PAM: variants seen among roughly 807,000 people sequenced by gnomAD.
PAM encodes the protein peptidyl-glycine alpha-amidating monooxygenase.
PAM carries 72 observed loss-of-function variants against 122.1 expected under a neutral mutation model. The ratio of observed to expected loss-of-function variants is 0.59; its 90% confidence interval spans 0.49 to 0.72. The LOEUF is 0.72. Among genes scored for constraint, PAM ranks in the 30% least tolerant of loss-of-function variants. The pLI is 0.00. For synonymous variants in PAM, 389 were observed against 404.4 expected (o/e 0.96, Z 0.46); for missense variants, 1,106 against 1,183.7 (o/e 0.93, Z 0.96).
chr5:102,789,004 T>C (rs921866488), intron 1 of PAM, among the ~76,000 whole-genome samples: 1 of 152,134 alleles, frequency 6.6e-6, no homozygotes, highest in Non-Finnish European at 1.5e-5. Context: ...AGAGTATTTA[T>C]GGATGACATT....
intron 7 of PAM, among the ~76,000 whole-genome samples, chr5:102,932,043 A>C (rs2151807351): frequency 6.6e-6 from 1 of 152,246 alleles, no homozygotes; most frequent in African/African-American, 2.4e-5. Flanking sequence ...TCATCTCCAA[A>C]CTTTGGGGAT....
intron 15 of PAM, among the ~76,000 whole-genome samples, chr5:102,983,823 C>T (rs944276774): frequency 2.0e-5 from 3 of 152,176 alleles, no homozygotes; most frequent in Non-Finnish European, 4.4e-5. Context: ...AAACCCCCTT[C>T]GGACTAACAG....
chr5:103,005,935 C>CTGT (rs113364724), intron 18 of PAM, among the ~76,000 whole-genome samples: 1 of 118,382 alleles, frequency 8.4e-6, no homozygotes, highest in South Asian at 2.4e-4. Context: ...GTTGTTGTTG[C>CTGT]TGTTGTTGTT....
At chr5:102,765,543 A>G (rs1043725297) in intron 1 of PAM, among the ~76,000 whole-genome samples, 1 of 152,204 alleles carries the variant, frequency 6.6e-6, no homozygotes, top group Non-Finnish European at 1.5e-5. Context: ...CAGCCACACC[A>G]TGCAAGCTTG....
At chr5:103,010,572 G>C (rs376115636) in intron 21 of PAM, among the ~76,000 whole-genome samples, 1 of 152,184 alleles carries the variant, frequency 6.6e-6, no homozygotes, top group African/African-American at 2.4e-5. Context: ...AGAAAATTCA[G>C]CCTGCTAAAA....
intron 1 of PAM, among the ~76,000 whole-genome samples, chr5:102,808,413 T>G (rs545569570): frequency 2.0e-5 from 3 of 152,220 alleles, no homozygotes; most frequent in Non-Finnish European, 2.9e-5. Context: ...CATAGGTGTG[T>G]GTGGGCAGGC....
chr5:102,869,844 G>T (rs1483406971), intron 3 of PAM, among the ~76,000 whole-genome samples: 1 of 151,738 alleles, frequency 6.6e-6, no homozygotes, highest in Non-Finnish European at 1.5e-5. Flanking sequence ...AAGAGGAAAG[G>T]AGGTGAAAAA....
intron 8 of PAM, 35 bp downstream of exon 8, chr5:102,946,920 C>T (rs1032131456): frequency 1.0e-4 from 141 of 1,385,876 alleles, no homozygotes; most frequent in Non-Finnish European, 1.4e-4. Context: ...GGAGCAGCAA[C>T]TTTAACATCT....
At chr5:102,870,082 T>C (rs1408811067) in intron 3 of PAM, among the ~76,000 whole-genome samples, 2 of 148,932 alleles carry the variant, frequency 1.3e-5, no homozygotes, top group East Asian at 2.0e-4. Flanking sequence ...AGGAAAGACA[T>C]TGAGTTAAAT....
chr5:102,805,638 T>G lies in PAM; in HGVS notation c.-374+50290T>G, dbSNP rs76794401. Among the ~76,000 whole-genome samples, 918 of 152,244 alleles carry G rather than the reference T, an allele frequency of 6.0e-3. 10 individuals are homozygous for G. Among genetic ancestry groups the G allele is most frequent in the African/African-American group, 0.021 (862 of 41,540 alleles). ...TCACAAGGTCTGTCTCTTGCTGTCCTTGAGAATCAAAGGAAGAGGTAATTT... is the reference window on the plus strand; with the variant it reads ...TCACAAGGTCTGTCTCTTGCTGTCCGTGAGAATCAAAGGAAGAGGTAATTT... On this transcript the variant is annotated intron_variant, in intron 1 of 25. Transcript: ENST00000438793.
chr5:103,026,014 C>A (rs1562285717), intron 24 of PAM, among the ~76,000 whole-genome samples: 1 of 152,132 alleles, frequency 6.6e-6, no homozygotes, highest in Non-Finnish European at 1.5e-5. Context: ...AAAATTAATT[C>A]TATAACAAAC....
chr5:102,900,254 T>TGTGTGG (rs777616737), intron 3 of PAM, among the ~76,000 whole-genome samples: 1 of 26,996 alleles, frequency 3.7e-5, no homozygotes, highest in African/African-American at 1.7e-4. Flanking sequence ...TGTGTGTGTG[T>TGTGTGG]GGGGGGGGGG....
intron 1 of PAM, among the ~76,000 whole-genome samples, chr5:102,802,476 A>G (rs559451583): frequency 6.6e-6 from 1 of 152,300 alleles, no homozygotes; most frequent in South Asian, 2.1e-4. Flanking sequence ...GGACCCATAC[A>G]TGGGGCACTC....
chr5:102,839,033 C>A (rs889231991), intron 1 of PAM, among the ~76,000 whole-genome samples: 1 of 152,094 alleles, frequency 6.6e-6, no homozygotes, highest in Non-Finnish European at 1.5e-5. Context: ...GGAGATATAT[C>A]ATACACACAG....
intron 19 of PAM, among the ~76,000 whole-genome samples, chr5:103,007,216 C>CACACAT: frequency 2.0e-5 from 3 of 151,876 alleles, no homozygotes; most frequent in African/African-American, 7.2e-5. Flanking sequence ...CACACACACA[C>CACACAT]ACACACGTCT....
rs1580693162 is a variant in PAM, at chr5:102,756,824, C to T, written c.-374+1476C>T. Among the ~76,000 whole-genome samples the T allele has an allele frequency of 2.6e-5, 4 of 152,190 alleles. No individual in the cohort carries two copies. The South Asian group carries it at 8.3e-4, about 32-fold the overall frequency. On this transcript the variant is annotated intron_variant, in intron 1 of 25. Coordinates refer to ENST00000438793, the MANE Select transcript of PAM (RefSeq NM_001177306.2). Reference sequence around the variant, plus strand: ...TGGTAAGCCCTGTCGTTCCTGCATTCCTGACTTAATAGGCATTTTCATTCC... The same window carrying T: ...TGGTAAGCCCTGTCGTTCCTGCATTTCTGACTTAATAGGCATTTTCATTCC...
intron 1 of PAM, among the ~76,000 whole-genome samples, chr5:102,784,582 C>T (rs913833775): frequency 3.3e-5 from 5 of 152,152 alleles, no homozygotes; most frequent in African/African-American, 1.2e-4. Context: ...TCTTATCTAA[C>T]CAGATATTCC....
chr5:102,771,224 A>G (rs1243067927), intron 1 of PAM, among the ~76,000 whole-genome samples: 1 of 152,108 alleles, frequency 6.6e-6, no homozygotes, highest in South Asian at 2.1e-4. Context: ...TCATTACAAT[A>G]TATACTTGAT....
chr5:102,952,035 T>TGCAGTTCCATTGCAGTGCAGTTGTTCA (rs1432672575), intron 12 of PAM, among the ~76,000 whole-genome samples: 1 of 152,120 alleles, frequency 6.6e-6, no homozygotes, highest in Non-Finnish European at 1.5e-5. Context: ...GTTGTTCATT[T>TGCAGTTCCATTGCAGTGCAGTTGTTCA]TATGTCAGTG....
Sources: gnomAD v4.1 joint callset for allele counts (sites outside exome capture counted in the v4.1 genomes callset) on GRCh38, gnomAD v4.1.1 for gene constraint, MANE v1.5 for transcripts, NCBI Gene and HGNC (gene_info 2026-07-23, HGNC 2026-07-21) for gene names.